PTPRG: variants seen among roughly 807,000 people sequenced by gnomAD.
PTPRG encodes receptor-type tyrosine-protein phosphatase gamma.
In PTPRG, 102 loss-of-function variants were observed where a neutral mutation model predicts 165.3. The ratio of observed to expected loss-of-function variants is 0.62; its 90% CI spans 0.53 to 0.73. The LOEUF is 0.73. PTPRG is among the 30% of genes least tolerant of loss of function. The pLI is 0.00. For synonymous variants in PTPRG, 675 were observed against 669.5 expected (o/e 1.01, Z -0.13); for missense variants, 1,866 against 1,861.4 (o/e 1.00, Z -0.05).
chr3:62,127,845 C>T (rs1473205951), intron 5 of PTPRG, among the ~76,000 whole-genome samples: 2 of 152,140 alleles, frequency 1.3e-5, no homozygotes, highest in African/African-American at 2.4e-5. Context: ...TTACTTCAAG[C>T]AAGAGTAAAC....
intron 5 of PTPRG, among the ~76,000 whole-genome samples, chr3:62,101,947 C>G (rs1014700665): frequency 6.6e-6 from 1 of 152,132 alleles, no homozygotes; most frequent in Non-Finnish European, 1.5e-5. Flanking sequence ...TGATGTAAGC[C>G]AAAGAAAAAG....
In PTPRG at chr3:62,222,958, C is replaced by T. The variant is rs1465135020; in HGVS notation, c.2288+3975C>T. ...AACAGCATATAGGAAGGGCTTCAGCCCAACCTGGAATAGGGGTTGGGGTCA... is the reference window on the plus strand; with the variant it reads ...AACAGCATATAGGAAGGGCTTCAGCTCAACCTGGAATAGGGGTTGGGGTCA... On this transcript the variant is annotated intron_variant, in intron 13 of 29. Coordinates refer to ENST00000474889, the MANE Select transcript of PTPRG (RefSeq NM_002841.4). The surrounding 1 kb of genome is among the most constrained non-coding windows in gnomAD (Gnocchi z 4.5). 6.6e-6 allele frequency among the ~76,000 whole-genome samples: 1 copy of T among 152,044 alleles called. No individual in the cohort carries two copies. Among genetic ancestry groups the T allele is most frequent in the African/African-American group, 2.4e-5 (1 of 41,382 alleles).
chr3:61,821,051 ATTTC>A (rs1183575184), intron 2 of PTPRG, among the ~76,000 whole-genome samples: 3 of 151,836 alleles, frequency 2.0e-5, no homozygotes, highest in African/African-American at 7.3e-5. Context: ...CTCAGCATAG[ATTTC>A]TCCTTTTAAT....
intron 1 of PTPRG, among the ~76,000 whole-genome samples, chr3:61,700,761 C>T (rs1383461367): frequency 1.3e-5 from 2 of 152,130 alleles, no homozygotes; most frequent in Non-Finnish European, 2.9e-5. Context: ...GGAAAAATTC[C>T]CCTATTTTTT....
chr3:62,029,108 C>T (rs2057814), intron 4 of PTPRG, among the ~76,000 whole-genome samples: 62,131 of 151,814 alleles, frequency 0.41, 14,027 homozygotes, highest in African/African-American at 0.6. Flanking sequence ...GACTCCCTAG[C>T]GTGTGTGAGT....
intron 5 of PTPRG, among the ~76,000 whole-genome samples, chr3:62,129,720 C>A (rs1053837594): frequency 6.6e-6 from 1 of 152,126 alleles, no homozygotes; most frequent in African/African-American, 2.4e-5. Context: ...GTTTCCAACA[C>A]GTGAAATGTT....
chr3:62,275,857 G>T lies in PTPRG; in HGVS notation c.3466-16G>T. 1 of 1,575,584 alleles carries T rather than the reference G, an allele frequency of 6.3e-7. No homozygotes were observed. Among genetic ancestry groups the T allele is most frequent in the Non-Finnish European group, 8.7e-7 (1 of 1,153,554 alleles). Reference sequence around the variant, plus strand: ...TATATCTTTGAATGAAGACTAAAATGTTTTTTCTTTTTCAGCTGGTCACAC... The same window carrying T: ...TATATCTTTGAATGAAGACTAAAATTTTTTTTCTTTTTCAGCTGGTCACAC... On this transcript the variant is annotated splice_polypyrimidine_tract_variant and intron_variant, in intron 23 of 29. Coordinates refer to ENST00000474889, the MANE Select transcript of PTPRG (RefSeq NM_002841.4).
chr3:61,680,126 T>C (rs1255167430), intron 1 of PTPRG, among the ~76,000 whole-genome samples: 1 of 152,144 alleles, frequency 6.6e-6, no homozygotes, highest in African/African-American at 2.4e-5. Flanking sequence ...ATGCAGGGAA[T>C]TGAAGCCAGA....
Position 61,748,877 on chromosome 3 carries a change from G to A in PTPRG, c.86-1G>A, listed in dbSNP as rs1451240149. 1 of 1,612,618 alleles carries A rather than the reference G, an allele frequency of 6.2e-7. No individual in the cohort carries two copies. The highest frequency in any genetic ancestry group is 1.3e-5 in the African/African-American group (1 of 74,840). ...TCATTGTGGGTTTTCCTCTCTTCCA[G>A]CGTTGACAGAAGGCTACGTTGGGGC... On this transcript the variant is annotated splice_acceptor_variant, in intron 1 of 29. Transcript: ENST00000474889. LOFTEE classifies it high-confidence loss of function.
At chr3:62,023,160 T>A (rs1267384851) in intron 4 of PTPRG, among the ~76,000 whole-genome samples, 1 of 152,198 alleles carries the variant, frequency 6.6e-6, no homozygotes, top group African/African-American at 2.4e-5. Context: ...CATATTATCT[T>A]ATGAGTTAAT....
At chr3:62,109,938 C>T (rs188532548) in intron 5 of PTPRG, among the ~76,000 whole-genome samples, 1 of 152,206 alleles carries the variant, frequency 6.6e-6, no homozygotes, top group African/African-American at 2.4e-5. Flanking sequence ...ACCAGCACAC[C>T]CTCTGGCAGT....
At chr3:61,767,759 A>G (rs1318521281) in intron 2 of PTPRG, among the ~76,000 whole-genome samples, 2 of 152,084 alleles carry the variant, frequency 1.3e-5, no homozygotes, top group Non-Finnish European at 2.9e-5. Context: ...GCTTGAGCCC[A>G]GGAGTTCAAG....
At chr3:61,909,691 T>G (rs1455919457) in intron 2 of PTPRG, among the ~76,000 whole-genome samples, 1 of 152,100 alleles carries the variant, frequency 6.6e-6, no homozygotes, top group Non-Finnish European at 1.5e-5. Context: ...TGACCTCAAC[T>G]GAAGTTTTAA....
intron 28 of PTPRG, among the ~76,000 whole-genome samples, chr3:62,291,389 G>T (rs1267588622): frequency 6.6e-6 from 1 of 152,046 alleles, no homozygotes; most frequent in East Asian, 1.9e-4. Context: ...CAAGCTAAAT[G>T]TCCATCTAGA....
Position 62,292,535 on chromosome 3 carries a change from G to T in PTPRG, c.4170G>T (p.Arg1390Ser). 3 of 1,613,344 alleles carry T rather than the reference G, an allele frequency of 1.9e-6. No homozygotes were observed. Among genetic ancestry groups the T allele is most frequent in the Non-Finnish European group, 2.5e-6 (3 of 1,179,552 alleles). Reference protein sequence around the residue: ...FQVAKMINLMRPGVFTDIEQY... With the variant: ...FQVAKMINLMSPGVFTDIEQY... ...TTGCAAAAATGATCAATCTTATGAG[G>T]CCTGGAGTATTCACAGACATTGTAA... Residue 1390 changes from arginine to serine, a missense_variant, in exon 29 of 30, where the codon AGG becomes AGT. By Grantham distance (110) the Arg-to-Ser change is moderately radical. Around this residue, in one of 3 missense-constraint regions of PTPRG, gnomAD observed 1,452 missense variants for 1,463.0 expected, o/e 0.99. Coordinates refer to ENST00000474889, the MANE Select transcript of PTPRG (RefSeq NM_002841.4).
At chr3:61,728,874 C>CAAAAAAAAA (rs3032404) in intron 1 of PTPRG, among the ~76,000 whole-genome samples, 1 of 103,008 alleles carries the variant, frequency 9.7e-6, no homozygotes, top group African/African-American at 3.5e-5. Flanking sequence ...TAATCTGTAC[C>CAAAAAAAAA]AAAAAAAAAA....
intron 2 of PTPRG, among the ~76,000 whole-genome samples, chr3:61,813,307 C>T (rs1431391903): frequency 5.3e-5 from 7 of 132,190 alleles, no homozygotes; most frequent in African/African-American, 1.7e-4. Flanking sequence ...CTGGTTAACA[C>T]GGTTAAACCC....
chr3:61,977,555 A>G (rs556300914), intron 2 of PTPRG, among the ~76,000 whole-genome samples: 2 of 151,844 alleles, frequency 1.3e-5, no homozygotes, highest in Non-Finnish European at 2.9e-5. Context: ...TTTTCTTTAC[A>G]TGATGTGATA....
At chr3:62,054,285 A>G (rs1378632039) in intron 4 of PTPRG, among the ~76,000 whole-genome samples, 1 of 152,236 alleles carries the variant, frequency 6.6e-6, no homozygotes, top group Admixed American at 6.5e-5. Flanking sequence ...CTGAAGTAAT[A>G]TACAAGGTAT....
Sources: gnomAD v4.1 joint callset for allele counts (sites outside exome capture counted in the v4.1 genomes callset) on GRCh38, gnomAD v4.1.1 for gene constraint, gnomAD v4.1.1 regional missense constraint, Gnocchi (gnomAD v3.1) non-coding constraint, MANE v1.5 for transcripts, NCBI Gene and HGNC (gene_info 2026-07-23, HGNC 2026-07-21) for gene names.